The following TLN2 variants were observed in gnomAD, a reference collection of about 807,000 sequenced individuals.
TLN2 encodes the protein talin-2.
Under a neutral mutation model 294.7 loss-of-function variants are expected in TLN2, and 118 were observed. The observed-to-expected ratio is 0.40, with a 90% CI of 0.34 to 0.47. The LOEUF (loss-of-function observed/expected upper bound fraction) is 0.47. Among genes scored for constraint, TLN2 ranks in the 20% least tolerant of loss-of-function variants. The pLI is 0.84. For synonymous variants in TLN2, 1,431 were observed against 1,304.5 expected, an observed-to-expected ratio of 1.10 and a Z score of -2.09; for missense variants, 3,083 against 3,282.2, an observed-to-expected ratio of 0.94 and a Z score of 1.48.
chr15:62,501,717 G>C (rs1366447834), intron 1 of TLN2, among the ~76,000 whole-genome samples: 2 of 152,194 alleles, frequency 1.3e-5, no homozygotes, highest in Admixed American at 1.3e-4. Context: ...TGTTTAATTG[G>C]ACATAGTTAT....
chr15:62,722,474 C>G lies in TLN2; in HGVS notation c.3113C>G (p.Thr1038Ser), dbSNP rs372847514. ...NLATSLAELR[T>S]ASQKAHEACG... ...GCCACCAGCTTGGCGGAGCTGCGTA[C>G]CGCCTCGCAGAAGGCAAGTGGAGCG... The change falls in exon 26 of 59, where the codon ACC becomes AGC. Residue 1038 changes from threonine to serine, a missense_variant. Thr to Ser is a moderately conservative substitution (Grantham distance 58). Transcript: ENST00000636159. 6 of 1,611,052 alleles carry G rather than the reference C, an allele frequency of 3.7e-6. No individual in the cohort carries two copies. The Admixed American group carries it at 6.7e-5, about 18-fold the overall frequency.
chr15:62,817,814 C>CTTT (rs1179496167), intron 52 of TLN2, among the ~76,000 whole-genome samples: 57 of 115,728 alleles, frequency 4.9e-4, no homozygotes, highest in Non-Finnish European at 6.0e-4. Context: ...TCCATTCTAT[C>CTTT]TTTTTTTTTT....
chr15:62,678,765 A>T (rs1341501087), intron 11 of TLN2, among the ~76,000 whole-genome samples: 1 of 152,242 alleles, frequency 6.6e-6, no homozygotes, highest in African/African-American at 2.4e-5. Context: ...TGGGAGGCAG[A>T]GGTTGCAGTT....
At chr15:62,549,895 G>T (rs1290920140) in intron 1 of TLN2, among the ~76,000 whole-genome samples, 2 of 152,336 alleles carry the variant, frequency 1.3e-5, no homozygotes, top group East Asian at 3.9e-4. Flanking sequence ...TAGCTGCGAG[G>T]TGGAGTGGAA....
intron 46 of TLN2, among the ~76,000 whole-genome samples, chr15:62,794,476 T>C (rs1291978493): frequency 2.6e-5 from 4 of 152,288 alleles, no homozygotes; most frequent in South Asian, 2.1e-4. Context: ...TCTGGACTCT[T>C]TTTCTTTCAC....
At position 62,517,092 on chromosome 15, in the gene TLN2, T is replaced by C. The variant is rs531526387; in HGVS notation, c.-237-72595T>C. Among the ~76,000 whole-genome samples the C allele has an allele frequency of 2.6e-5, 4 of 152,336 alleles. No homozygotes were observed. The South Asian group carries it at 6.2e-4, about 24-fold the overall frequency. ...GATGAAAGAGCTAATAATATTTCAGTGGCTGGTGGATGTTCTGAAGCCAAG... is the reference window on the plus strand; with the variant it reads ...GATGAAAGAGCTAATAATATTTCAGCGGCTGGTGGATGTTCTGAAGCCAAG... On this transcript the variant is annotated intron_variant, in intron 1 of 58. Transcript: ENST00000636159.
chr15:62,762,552 T>C, intron 39 of TLN2, 99 bp downstream of exon 39: 1 of 1,315,406 alleles, frequency 7.6e-7, no homozygotes, highest in African/African-American at 1.5e-5. Context: ...ATATTGTTGA[T>C]CATTATCATC....
At chr15:62,626,008 A>T (rs2049255427) in intron 3 of TLN2, among the ~76,000 whole-genome samples, 1 of 152,194 alleles carries the variant, frequency 6.6e-6, no homozygotes, top group African/African-American at 2.4e-5. Context: ...ACCTTCTTCC[A>T]TGGGTCAAAG....
rs759597569 is a variant in TLN2, at chr15:62,736,992, G to C, written c.3473G>C (p.Arg1158Pro). The stretch of plus-strand genomic sequence containing the variant: ...GCCCATGCCATGTTAGATTCTGCTC[G>C]AGACGTGATGGAGGGCTCCGCCATG... ...AAAHAMLDSA[R>P]DVMEGSAMLI... The change falls in exon 29 of 59, where the codon CGA becomes CCA. Residue 1158 changes from arginine (R) to proline (P), a missense_variant. By Grantham distance (103) the Arg-to-Pro change is moderately radical. Transcript: ENST00000636159. The C allele has an allele frequency of 5.6e-6, 9 of 1,614,186 alleles. No individual in the cohort carries two copies. Among genetic ancestry groups the C allele is most frequent in the East Asian group, 2.2e-5 (1 of 44,870 alleles).
At chr15:62,781,324 G>A in intron 44 of TLN2, 83 bp downstream of exon 44, 2 of 1,077,488 alleles carry the variant, frequency 1.9e-6, no homozygotes, top group Admixed American at 1.8e-5. Flanking sequence ...TCCCAGATCT[G>A]TGTCAGAGAG....
chr15:62,662,541 A>G (rs1478359609), intron 9 of TLN2, among the ~76,000 whole-genome samples: 2 of 152,184 alleles, frequency 1.3e-5, no homozygotes, highest in Non-Finnish European at 2.9e-5. Flanking sequence ...GTGTAAGTGC[A>G]AATTATAACT....
At chr15:62,706,003 G>T (rs539727828) in intron 19 of TLN2, among the ~76,000 whole-genome samples, 2 of 152,324 alleles carry the variant, frequency 1.3e-5, no homozygotes, top group Non-Finnish European at 1.5e-5. Context: ...ATGTAAAATT[G>T]TGCAGGCTGA....
chr15:62,767,473 C>G (rs1170850821), intron 41 of TLN2, among the ~76,000 whole-genome samples: 1 of 152,022 alleles, frequency 6.6e-6, no homozygotes, highest in Admixed American at 6.6e-5. Context: ...TCCCGAGTAG[C>G]TGGGATTATA....
At chr15:62,516,809 T>A (rs527303453) in intron 1 of TLN2, among the ~76,000 whole-genome samples, 1 of 152,304 alleles carries the variant, frequency 6.6e-6, no homozygotes, top group East Asian at 1.9e-4. Context: ...GCAGAAAGTT[T>A]TTTTGGGGCT....
At chr15:62,542,066 T>C (rs2041724090) in intron 1 of TLN2, among the ~76,000 whole-genome samples, 1 of 152,142 alleles carries the variant, frequency 6.6e-6, no homozygotes, top group South Asian at 2.1e-4. Flanking sequence ...TGCTGGGCCC[T>C]TTCTTGTCCC....
chr15:62,679,099 C>T lies in TLN2; in HGVS notation c.957+3778C>T, dbSNP rs114230173. Among the ~76,000 whole-genome samples, 1,399 of 149,808 alleles carry T rather than the reference C, an allele frequency of 9.3e-3. 23 individuals carry two copies. The highest frequency in any genetic ancestry group is 0.032 in the African/African-American group (1,313 of 40,670). On this transcript the variant is annotated intron_variant, in intron 11 of 58. Transcript: ENST00000636159. ...TTCACAAGAAGCTGTAAAACTAACT[C>T]GGAATCAAAAAGTCTGATAATAACA... is the stretch of plus-strand genomic sequence containing the variant.
intron 1 of TLN2, among the ~76,000 whole-genome samples, chr15:62,409,186 C>T (rs1476457548): frequency 6.9e-6 from 1 of 145,126 alleles, no homozygotes; most frequent in Non-Finnish European, 1.5e-5. Flanking sequence ...CGCTTATGGC[C>T]AGTCTCTAAC....
intron 3 of TLN2, among the ~76,000 whole-genome samples, chr15:62,627,222 C>A (rs1289943508): frequency 6.6e-6 from 1 of 152,158 alleles, no homozygotes; most frequent in African/African-American, 2.4e-5. Flanking sequence ...AGGGGATGAT[C>A]CATCCTCTTG....
At chr15:62,672,775 G>A (rs967465906) in intron 9 of TLN2, among the ~76,000 whole-genome samples, 23 of 152,144 alleles carry the variant, frequency 1.5e-4, no homozygotes, top group African/African-American at 4.6e-4. Flanking sequence ...CCTAGGCACC[G>A]GGGTTGGGGG....
Sources: gnomAD v4.1 joint callset for allele counts (sites outside exome capture counted in the v4.1 genomes callset) on GRCh38, gnomAD v4.1.1 for gene constraint, MANE v1.5 for transcripts, NCBI Gene and HGNC (gene_info 2026-07-23, HGNC 2026-07-21) for gene names.